ECT2: variants seen among roughly 807,000 people sequenced by gnomAD.
ECT2 encodes protein ECT2.
Under a neutral mutation model 116.9 loss-of-function variants are expected in ECT2, and 61 were observed. That is an observed-to-expected ratio of 0.52 (90% CI 0.42 to 0.65). ECT2 has a LOEUF of 0.65. Ranked by LOEUF, ECT2 falls within the 30% of genes least tolerant of loss-of-function variation. The pLI is 0.00. For synonymous variants in ECT2, 358 were observed against 346.4 expected (o/e 1.03, Z -0.37); for missense variants, 937 against 1,078.7 (o/e 0.87, Z 1.84).
chr3:172,802,673 T>A lies in ECT2; in HGVS notation c.1965T>A (p.Val655=). 2 of 1,603,444 alleles carry A rather than the reference T, an allele frequency of 1.2e-6. No homozygotes were observed. Among genetic ancestry groups the A allele is most frequent in the Non-Finnish European group, 1.7e-6 (2 of 1,174,942 alleles). Residue 655 remains valine, a synonymous_variant, in exon 19 of 25, where the codon GTT becomes GTA. Coordinates refer to ENST00000392692, the MANE Select transcript of ECT2 (RefSeq NM_001258315.2). The part of the protein sequence containing the change: ...TEAQKQIFDV[V]YEVDGCPANL... ...CTCAAAAGCAAATTTTTGATGTTGTTTATGAAGTAGATGGATGCCCAGTAA... is the reference window on the plus strand; with the variant it reads ...CTCAAAAGCAAATTTTTGATGTTGTATATGAAGTAGATGGATGCCCAGTAA...
intron 18 of ECT2, among the ~76,000 whole-genome samples, chr3:172,792,497 T>G (rs1158518958): frequency 6.6e-6 from 1 of 151,582 alleles, no homozygotes; most frequent in Non-Finnish European, 1.5e-5. Flanking sequence ...AGATTAGTCC[T>G]TATTGTTGCT....
chr3:172,780,270 G>C (rs563108467), intron 14 of ECT2, among the ~76,000 whole-genome samples: 1 of 152,170 alleles, frequency 6.6e-6, no homozygotes, highest in African/African-American at 2.4e-5. Context: ...TCTAAATGTA[G>C]CGTGTTAGAA....
intron 5 of ECT2, among the ~76,000 whole-genome samples, chr3:172,758,048 C>T (rs1005303258): frequency 6.6e-6 from 1 of 152,052 alleles, no homozygotes; most frequent in African/African-American, 2.4e-5. Context: ...TTAGTAGAGA[C>T]AGGATTTCAC....
chr3:172,773,756 T>C, intron 13 of ECT2, 147 bp from the exon 14 acceptor site: 1 of 776,960 alleles, frequency 1.3e-6, no homozygotes, highest in East Asian at 2.7e-5. Flanking sequence ...ATAGAAAATA[T>C]GGGGAAAATG....
chr3:172,765,657 A>G (rs1719226809), intron 12 of ECT2, among the ~76,000 whole-genome samples: 1 of 152,174 alleles, frequency 6.6e-6, no homozygotes, highest in African/African-American at 2.4e-5. Flanking sequence ...TCTATATGCA[A>G]CACTTAGAAA....
At chr3:172,759,639 T>A (rs1310524126) in intron 6 of ECT2, among the ~76,000 whole-genome samples, 3 of 151,952 alleles carry the variant, frequency 2.0e-5, no homozygotes, top group Non-Finnish European at 4.4e-5. Context: ...AGAGATGGGG[T>A]TTCACCGTGT....
intron 18 of ECT2, among the ~76,000 whole-genome samples, chr3:172,797,157 G>A (rs1475323105): frequency 6.6e-6 from 1 of 151,584 alleles, no homozygotes; most frequent in Non-Finnish European, 1.5e-5. Flanking sequence ...AGCCTCCTGA[G>A]TAGATGGGCC....
intron 22 of ECT2, among the ~76,000 whole-genome samples, chr3:172,808,995 C>G (rs534268579): frequency 3.9e-5 from 6 of 151,990 alleles, no homozygotes; most frequent in African/African-American, 1.2e-4. Flanking sequence ...ACAATGCTAA[C>G]AAATACAATA....
At chr3:172,790,123 C>G (rs1304255903) in intron 18 of ECT2, among the ~76,000 whole-genome samples, 1 of 152,184 alleles carries the variant, frequency 6.6e-6, no homozygotes, top group Non-Finnish European at 1.5e-5. Flanking sequence ...AGTTACCTCC[C>G]CTGAGGTCTC....
rs182145300 is a variant in ECT2 at position 172,793,519 on chromosome 3, A to G, written c.1907+6945A>G. Among the ~76,000 whole-genome samples, 1,106 of 151,838 alleles carry G rather than the reference A, an allele frequency of 7.3e-3. 16 individuals are homozygous for G. Among genetic ancestry groups the G allele is most frequent in the African/African-American group, 0.025 (1,033 of 41,348 alleles). On this transcript the variant is annotated intron_variant, in intron 18 of 24. Coordinates refer to ENST00000392692, the MANE Select transcript of ECT2 (RefSeq NM_001258315.2). ...TACTCTGTTGCCCAGACTGGAGTGC[A>G]GTGGCGCGATCTCTGCTCACTGCAA...
intron 18 of ECT2, among the ~76,000 whole-genome samples, chr3:172,800,813 C>T (rs1007919516): frequency 2.0e-5 from 3 of 152,044 alleles, no homozygotes; most frequent in Admixed American, 2.0e-4. Flanking sequence ...GTGTTGCCGC[C>T]TTATATATCA....
intron 18 of ECT2, among the ~76,000 whole-genome samples, chr3:172,791,619 C>G (rs538620864): frequency 2.0e-5 from 3 of 152,228 alleles, no homozygotes; most frequent in Non-Finnish European, 4.4e-5. Context: ...CTGCAGCTTT[C>G]TTACCTCTCT....
intron 18 of ECT2, among the ~76,000 whole-genome samples, chr3:172,796,232 G>T (rs1034565019): frequency 2.0e-5 from 3 of 152,162 alleles, no homozygotes; most frequent in East Asian, 1.9e-4. Context: ...GTTTATGAAG[G>T]CTGGGCTTTA....
chr3:172,780,194 A>G (rs543418707), intron 14 of ECT2, among the ~76,000 whole-genome samples: 43 of 152,260 alleles, frequency 2.8e-4, no homozygotes, highest in South Asian at 1.9e-3. Flanking sequence ...ATAGTATTGT[A>G]AATATGTTTA....
At chr3:172,778,349 C>G (rs558680081) in intron 14 of ECT2, among the ~76,000 whole-genome samples, 1 of 152,104 alleles carries the variant, frequency 6.6e-6, no homozygotes, top group Non-Finnish European at 1.5e-5. Flanking sequence ...TAAATTGTAT[C>G]GGGCATTTTC....
the ECT2 span, chr3:172,828,901 G>T: frequency 7.0e-7 from 1 of 1,432,554 alleles, no homozygotes; most frequent in Non-Finnish European, 9.6e-7. Context: ...TGATCAAGCT[G>T]CCAAACACAA....
intron 18 of ECT2, among the ~76,000 whole-genome samples, chr3:172,791,315 A>G (rs1427567072): frequency 3.3e-5 from 5 of 152,238 alleles, no homozygotes; most frequent in Non-Finnish European, 1.5e-5. Flanking sequence ...CACCAGCTGC[A>G]TTAGCCCCTA....
chr3:172,776,165 A>G (rs1487107926), intron 14 of ECT2, among the ~76,000 whole-genome samples: 1 of 147,140 alleles, frequency 6.8e-6, no homozygotes, highest in Non-Finnish European at 1.5e-5. Flanking sequence ...TTTTTGTAAA[A>G]TGGTACTTCA....
At chr3:172,813,373 C>T (rs148294218) in intron 22 of ECT2, among the ~76,000 whole-genome samples, 1 of 151,864 alleles carries the variant, frequency 6.6e-6, no homozygotes, top group Non-Finnish European at 1.5e-5. Flanking sequence ...TTGAAGGAGA[C>T]CATTGAGGGC....
Sources: gnomAD v4.1 joint callset for allele counts (sites outside exome capture counted in the v4.1 genomes callset) on GRCh38, gnomAD v4.1.1 for gene constraint, MANE v1.5 for transcripts, NCBI Gene and HGNC (gene_info 2026-07-23, HGNC 2026-07-21) for gene names.